The following GXYLT2 variants were observed in gnomAD, a reference collection of about 807,000 sequenced individuals.
GXYLT2 encodes the protein glycosyltransferase 8 domain containing 4.
Under a neutral mutation model 45.8 loss-of-function variants are expected in GXYLT2, and 53 were observed. The ratio of observed to expected loss-of-function variants is 1.16; its 90% CI spans 0.93 to 1.46. The LOEUF is 1.46. Ranked by LOEUF, GXYLT2 falls within the 40% of genes most tolerant of loss-of-function variation. The pLI, the probability that GXYLT2 is intolerant of heterozygous loss-of-function variation, is 0.00. For synonymous variants in GXYLT2, 219 were observed against 214.2 expected (o/e 1.02, Z -0.19); for missense variants, 551 against 544.4 (o/e 1.01, Z -0.12).
At chr3:72,956,138 C>G (rs1173202759) in intron 4 of GXYLT2, among the ~76,000 whole-genome samples, 2 of 152,088 alleles carry the variant, frequency 1.3e-5, no homozygotes, top group East Asian at 3.9e-4. Flanking sequence ...GTAGTCTCAG[C>G]TACTTGGGAG....
intron 3 of GXYLT2, among the ~76,000 whole-genome samples, chr3:72,944,863 G>A (rs972621714): frequency 5.9e-5 from 9 of 152,088 alleles, no homozygotes; most frequent in African/African-American, 1.7e-4. Context: ...AATGATGTGC[G>A]TAGCAACCTA....
At chr3:72,921,193 T>A (rs13069877) in intron 2 of GXYLT2, among the ~76,000 whole-genome samples, 14,295 of 150,646 alleles carry the variant, frequency 0.095, 693 homozygotes, top group South Asian at 0.11. Context: ...AAAAAAAAAA[T>A]TTATAGTTTT....
rs571197973 is a variant in GXYLT2 at position 72,975,295 on chromosome 3, T to A, written c.*136T>A. On this transcript the variant is annotated 3_prime_UTR_variant, in exon 7 of 7. Transcript: ENST00000389617. ...GAGTTTTAAAAACCTCGTTAAATTT[T>A]GCCAAATCAGTTGCCCCCAAAAGGG... 2 of 573,254 alleles carry A rather than the reference T, an allele frequency of 3.5e-6. No homozygotes were observed. Among genetic ancestry groups the A allele is most frequent in the East Asian group, 6.7e-5 (2 of 29,972 alleles). The allele number at this position is 573,254 out of a possible 1,614,324, so 35.5% of individuals were successfully genotyped here.
At chr3:72,913,387 T>A (rs767948710) in intron 2 of GXYLT2, among the ~76,000 whole-genome samples, 2 of 151,750 alleles carry the variant, frequency 1.3e-5, no homozygotes, top group Non-Finnish European at 2.9e-5. Flanking sequence ...AAGGAAATTA[T>A]GACAGGGTGT....
At chr3:72,929,258 T>C (rs1399576617) in intron 3 of GXYLT2, 2 of 1,485,504 alleles carry the variant, frequency 1.3e-6, no homozygotes, top group Non-Finnish European at 9.3e-7. Flanking sequence ...ACTGATGACG[T>C]TGCAGAACCA....
intron 6 of GXYLT2, among the ~76,000 whole-genome samples, chr3:72,972,372 G>A (rs986194080): frequency 4.8e-5 from 3 of 62,200 alleles, no homozygotes; most frequent in Non-Finnish European, 8.1e-5. Context: ...TGAGCTGGGC[G>A]CAGTGGGTCA....
At chr3:72,954,344 G>A (rs1710586053) in intron 3 of GXYLT2, among the ~76,000 whole-genome samples, 1 of 150,762 alleles carries the variant, frequency 6.6e-6, no homozygotes, top group African/African-American at 2.5e-5. Context: ...TTGACCTCGT[G>A]ATCCGCCTGC....
intron 3 of GXYLT2, among the ~76,000 whole-genome samples, chr3:72,932,967 T>C (rs1357802940): frequency 1.3e-5 from 2 of 152,248 alleles, no homozygotes; most frequent in African/African-American, 2.4e-5. Flanking sequence ...ATTTCAACTT[T>C]CCTTGCCTCC....
intron 2 of GXYLT2, among the ~76,000 whole-genome samples, chr3:72,913,408 G>A (rs1415086542): frequency 6.6e-6 from 1 of 151,926 alleles, no homozygotes; most frequent in Non-Finnish European, 1.5e-5. Context: ...TAAAAACTAG[G>A]CAGGGGATGG....
At chr3:72,961,583 C>A (rs1710769793) in intron 5 of GXYLT2, among the ~76,000 whole-genome samples, 1 of 147,612 alleles carries the variant, frequency 6.8e-6, no homozygotes, top group Admixed American at 7.2e-5. Flanking sequence ...TGATTGTCAA[C>A]CCCAAGTGAA....
chr3:72,908,624 C>T, intron 2 of GXYLT2, 65 bp downstream of exon 2: 1 of 1,260,846 alleles, frequency 7.9e-7, no homozygotes, highest in Non-Finnish European at 1.1e-6. Context: ...TTAGGAACTG[C>T]ATATTCTGTT....
At position 72,975,218 on chromosome 3, in the gene GXYLT2, T is replaced by G; in HGVS notation, c.*59T>G. ...TTGTGACCAAGGAAATACTAATCTC[T>G]AAGCTGCCTGGGTCTTTTTGTGTGA... is the stretch of plus-strand genomic sequence containing the variant. On this transcript the variant is annotated 3_prime_UTR_variant, in exon 7 of 7. Transcript: ENST00000389617. 6.0e-5 allele frequency: 77 copies of G among 1,279,422 alleles called. No homozygotes were observed. Among genetic ancestry groups the G allele is most frequent in the Middle Eastern group, 1.9e-4 (1 of 5,268 alleles). 79.3% of individuals were successfully genotyped at this position (1,279,422 alleles called of 1,614,324 possible). A position where few individuals can be genotyped will look rare whatever the true frequency, so the allele number is the denominator to read the frequency against.
intron 4 of GXYLT2, among the ~76,000 whole-genome samples, chr3:72,956,166 G>A (rs1427456612): frequency 1.3e-5 from 2 of 151,986 alleles, no homozygotes; most frequent in Non-Finnish European, 1.5e-5. Context: ...TGGGAGGATC[G>A]CTTGAGCCCA....
intron 3 of GXYLT2, among the ~76,000 whole-genome samples, chr3:72,954,757 A>G (rs181511216): frequency 1.3e-5 from 2 of 152,282 alleles, no homozygotes; most frequent in African/African-American, 4.8e-5. Flanking sequence ...AAGTGGCCTT[A>G]TTGGAAGATG....
At chr3:72,947,340 G>A (rs961802212) in intron 3 of GXYLT2, among the ~76,000 whole-genome samples, 3 of 152,096 alleles carry the variant, frequency 2.0e-5, no homozygotes, top group Non-Finnish European at 2.9e-5. Context: ...TGACTTTGAC[G>A]GTAATAGAGC....
At chr3:72,900,123 G>C (rs1435875751) in intron 1 of GXYLT2, among the ~76,000 whole-genome samples, 1 of 152,164 alleles carries the variant, frequency 6.6e-6, no homozygotes, top group Admixed American at 6.5e-5. Flanking sequence ...ATAATTCAGT[G>C]TGTTTTGCAG....
chr3:72,971,480 C>T (rs1356206061), intron 6 of GXYLT2, among the ~76,000 whole-genome samples: 1 of 152,260 alleles, frequency 6.6e-6, no homozygotes, highest in South Asian at 2.1e-4. Flanking sequence ...CCAATTTTGC[C>T]GCTTTCTGGT....
At chr3:72,923,400 C>G (rs9881667) in intron 3 of GXYLT2, among the ~76,000 whole-genome samples, 38,786 of 151,992 alleles carry the variant, frequency 0.26, 9,495 homozygotes, top group African/African-American at 0.65. Context: ...ACCTGACAGA[C>G]TGAGACCGTG....
intron 3 of GXYLT2, among the ~76,000 whole-genome samples, chr3:72,950,052 G>A (rs1292081405): frequency 2.7e-5 from 4 of 150,690 alleles, no homozygotes; most frequent in African/African-American, 7.4e-5. Flanking sequence ...GAATGCTTAA[G>A]CAGGCCAGGC....
Sources: gnomAD v4.1 joint callset for allele counts (sites outside exome capture counted in the v4.1 genomes callset) on GRCh38, gnomAD v4.1.1 for gene constraint, MANE v1.5 for transcripts, NCBI Gene and HGNC (gene_info 2026-07-23, HGNC 2026-07-21) for gene names.